GPLD1: variants seen among roughly 807,000 people sequenced by gnomAD.
GPLD1 encodes phosphatidylinositol-glycan-specific phospholipase D.
GPLD1 carries 84 observed loss-of-function variants against 112.6 expected under a neutral mutation model. The observed-to-expected ratio is 0.75, with a 90% confidence interval of 0.63 to 0.89. GPLD1 has a LOEUF of 0.89. Ranked by LOEUF, GPLD1 falls within the 40% of genes least tolerant of loss-of-function variation. GPLD1 has a pLI of 0.00. For synonymous variants in GPLD1, 386 were observed against 403.8 expected, an observed-to-expected ratio of 0.96 and a Z score of 0.53; for missense variants, 1,044 against 1,051.5, an observed-to-expected ratio of 0.99 and a Z score of 0.10.
At chr6:24,487,302 A>C (rs1449373286) in intron 1 of GPLD1, among the ~76,000 whole-genome samples, 1 of 152,184 alleles carries the variant, frequency 6.6e-6, no homozygotes, top group Non-Finnish European at 1.5e-5. Context: ...CAAAATATTT[A>C]TAAAATCATC....
intron 13 of GPLD1, among the ~76,000 whole-genome samples, chr6:24,455,326 A>T (rs1411573537): frequency 1.3e-5 from 2 of 152,236 alleles, no homozygotes; most frequent in Admixed American, 1.3e-4. Flanking sequence ...AACGACCAGT[A>T]AAGACAGCAT....
intron 3 of GPLD1, 125 bp from the exon 4 acceptor site, chr6:24,476,403 CT>C (rs2127363632): frequency 1.7e-6 from 1 of 597,256 alleles, no homozygotes; most frequent in East Asian, 2.8e-5. Context: ...CCCTCAGTTT[CT>C]TCTGTCGACT....
chr6:24,466,868 G>A (rs775727117), intron 9 of GPLD1, 44 bp downstream of exon 9: 7 of 1,593,026 alleles, frequency 4.4e-6, no homozygotes, highest in Admixed American at 1.7e-5. Context: ...ACTATTCCTG[G>A]TATCTTTATA....
intron 2 of GPLD1, among the ~76,000 whole-genome samples, chr6:24,485,129 G>A (rs7766241): frequency 0.19 from 29,143 of 152,048 alleles, 3,066 homozygotes; most frequent in African/African-American, 0.28. Context: ...ATCTCAGTGC[G>A]TATTTCTTAA....
At chr6:24,438,411 C>T (rs980920178) in intron 20 of GPLD1, among the ~76,000 whole-genome samples, 2 of 152,126 alleles carry the variant, frequency 1.3e-5, no homozygotes, top group Non-Finnish European at 2.9e-5. Context: ...AGAAGTTTGC[C>T]GTATGCTGGC....
upstream of GPLD1, among the ~76,000 whole-genome samples, chr6:24,493,087 C>G (rs1764597185): frequency 6.6e-6 from 1 of 152,050 alleles, no homozygotes; most frequent in Admixed American, 6.6e-5. Context: ...TGAAATAGAA[C>G]CTTAAAAAGG....
chr6:24,482,501 A>G (rs1409884277), intron 2 of GPLD1, among the ~76,000 whole-genome samples: 1 of 151,876 alleles, frequency 6.6e-6, no homozygotes, highest in African/African-American at 2.4e-5. Flanking sequence ...GGCTGGTCTT[A>G]AACTCCTGAC....
chr6:24,454,080 G>A lies in GPLD1; in HGVS notation c.1270C>T (p.Leu424=), dbSNP rs757549567. ...TCCAGGTCAACAGGTGGCAGGCCCA[G>A]GTCATTGCCGTAGATGAGGTACACG... ...GRVYLIYGND[L]GLPPVDLDLD... The change falls in exon 14 of 25, where the codon CTG becomes TTG. Residue 424 remains leucine, a synonymous_variant. Coordinates refer to ENST00000230036, the MANE Select transcript of GPLD1 (RefSeq NM_001503.4). 3.1e-6 allele frequency: 5 copies of A among 1,613,716 alleles called. No homozygotes were observed. The East Asian group carries it at 8.9e-5, about 29-fold the overall frequency.
chr6:24,487,586 G>C (rs1157546329), intron 1 of GPLD1, among the ~76,000 whole-genome samples: 1 of 152,172 alleles, frequency 6.6e-6, no homozygotes, highest in African/African-American at 2.4e-5. Flanking sequence ...TTCCTCATCA[G>C]CTTACTCTGT....
Position 24,426,167 on chromosome 6 carries a change from A to G in GPLD1, c.*2865T>C, listed in dbSNP as rs563246639. 37 of 152,348 alleles carry G rather than the reference A, an allele frequency of 2.4e-4. No individual in the cohort carries two copies. The South Asian group carries it at 5.4e-3, about 22-fold the overall frequency. 9.4% of individuals were successfully genotyped at this position (152,348 alleles called of 1,614,324 possible). A position where few individuals can be genotyped will look rare whatever the true frequency, so the allele number is the denominator to read the frequency against. On this transcript the variant is annotated 3_prime_UTR_variant, in exon 25 of 25. Coordinates refer to ENST00000230036, the MANE Select transcript of GPLD1 (RefSeq NM_001503.4). ...TATGTAAATGTCTTCTGATATCTTG[A>G]AATAAAGATAAATTTCAGTTAAACT...
In GPLD1 at chr6:24,428,739, T is replaced by C. The variant is rs1389049681; in HGVS notation, c.*293A>G. 2 of 266,886 alleles carry C rather than the reference T, an allele frequency of 7.5e-6. No individual in the cohort carries two copies. The highest frequency in any genetic ancestry group is 2.2e-5 in the African/African-American group (1 of 45,332). 16.5% of individuals were successfully genotyped at this position (266,886 alleles called of 1,614,324 possible). ...AGCAGGTCTGACTACAGGCAATAAGTTGGGAAAGAAGAAAGGTTTAGATGC... is the reference window on the plus strand; with the variant it reads ...AGCAGGTCTGACTACAGGCAATAAGCTGGGAAAGAAGAAAGGTTTAGATGC... On this transcript the variant is annotated 3_prime_UTR_variant, in exon 25 of 25. Transcript: ENST00000230036.
chr6:24,445,460 C>A, intron 20 of GPLD1, 86 bp downstream of exon 20: 1 of 854,578 alleles, frequency 1.2e-6, no homozygotes, highest in South Asian at 1.4e-5. Flanking sequence ...CTGTTCAGCT[C>A]CAGATCTCAT....
intron 3 of GPLD1, 106 bp downstream of exon 3, chr6:24,479,775 A>T (rs1341966931): frequency 3.3e-6 from 2 of 610,610 alleles, no homozygotes; most frequent in Admixed American, 5.2e-5. Context: ...TATACTGTGC[A>T]ATTAAAAATA....
intron 1 of GPLD1, among the ~76,000 whole-genome samples, chr6:24,488,558 G>T (rs1207394737): frequency 6.6e-6 from 1 of 152,074 alleles, no homozygotes; most frequent in African/African-American, 2.4e-5. Context: ...CTTCATACAA[G>T]AACCAAATCC....
intron 24 of GPLD1, among the ~76,000 whole-genome samples, chr6:24,431,078 C>G (rs1483221210): frequency 6.6e-6 from 1 of 152,088 alleles, no homozygotes; most frequent in Non-Finnish European, 1.5e-5. Context: ...TAAAGGATCC[C>G]TGTGATCAGA....
At chr6:24,494,553 G>A (rs1465832842), upstream of GPLD1, among the ~76,000 whole-genome samples, 1 of 152,188 alleles carries the variant, frequency 6.6e-6, no homozygotes, top group Non-Finnish European at 1.5e-5. Context: ...AGGCACCAGC[G>A]CATCTATGGA....
In GPLD1 at chr6:24,460,300, A is replaced by G. The variant is rs1139463; in HGVS notation, c.987T>C (p.Phe329=). ...NINYTERGVF[F]SVNSWTPDSM... ...TTACCGGGGTCCAGGAATTTACACT[A>G]AAGAACACTCCTCTTTCAGTATAGT... Residue 329 remains phenylalanine (F), a synonymous_variant, in exon 12 of 25, where the codon TTT becomes TTC. Coordinates refer to ENST00000230036, the MANE Select transcript of GPLD1 (RefSeq NM_001503.4). 3 of 1,613,702 alleles carry G rather than the reference A, an allele frequency of 1.9e-6. No homozygotes were observed. Among genetic ancestry groups the G allele is most frequent in the African/African-American group, 1.3e-5 (1 of 74,936 alleles).
downstream of GPLD1, chr6:24,424,506 C>T (rs1317556055): frequency 2.0e-5 from 3 of 152,124 alleles, no homozygotes; most frequent in East Asian, 1.9e-4. Context: ...ACCTCAGAAG[C>T]TGACAGATGA....
chr6:24,452,207 CCT>C (rs533351102), intron 14 of GPLD1, among the ~76,000 whole-genome samples: 22 of 152,206 alleles, frequency 1.4e-4, no homozygotes, highest in Non-Finnish European at 2.8e-4. Flanking sequence ...GAAGCAGGTG[CCT>C]CTCTTTATTC....
Sources: allele counts gnomAD v4.1 joint callset (sites outside exome capture counted in the v4.1 genomes callset), GRCh38; gene constraint gnomAD v4.1.1; transcripts MANE v1.5; gene names NCBI Gene and HGNC (gene_info 2026-07-23, HGNC 2026-07-21).